ERC2: variants seen among roughly 807,000 people sequenced by gnomAD.
ERC2 encodes the protein ELKS/RAB6-interacting/CAST family member 2.
ERC2 carries 42 observed loss-of-function variants against 114.8 expected under a neutral mutation model. The ratio of observed to expected loss-of-function variants is 0.37; its 90% CI spans 0.29 to 0.47. The LOEUF (loss-of-function observed/expected upper bound fraction) is 0.47, where lower values mean the gene tolerates loss of function less well. Ranked by LOEUF, ERC2 falls within the 20% of genes least tolerant of loss-of-function variation. ERC2 has a pLI of 0.99. For synonymous variants in ERC2, 454 were observed against 425.5 expected, an observed-to-expected ratio of 1.07 and a Z score of -0.82; for missense variants, 939 against 1,150.7, an observed-to-expected ratio of 0.82 and a Z score of 2.66.
chr3:55,626,171 C>T (rs900166462), intron 17 of ERC2, among the ~76,000 whole-genome samples: 2 of 152,186 alleles, frequency 1.3e-5, no homozygotes, highest in African/African-American at 4.8e-5. Context: ...GTTTCTTTAG[C>T]ATGCCTTTTT....
At chr3:55,927,783 C>G (rs764298347) in intron 13 of ERC2, among the ~76,000 whole-genome samples, 7 of 152,008 alleles carry the variant, frequency 4.6e-5, no homozygotes, top group Non-Finnish European at 1.0e-4. Context: ...GGTAACCATC[C>G]TTCTACTCTC....
intron 6 of ERC2, among the ~76,000 whole-genome samples, chr3:56,109,721 T>G (rs1309244814): frequency 6.6e-6 from 1 of 152,156 alleles, no homozygotes; most frequent in South Asian, 2.1e-4. Context: ...AACTGCAGTG[T>G]TGAAATTGCT....
chr3:56,140,333 T>A (rs955522951), intron 5 of ERC2, among the ~76,000 whole-genome samples: 1 of 152,214 alleles, frequency 6.6e-6, no homozygotes, highest in Non-Finnish European at 1.5e-5. Context: ...TGTTTATTAT[T>A]TCTTTGCTTG....
intron 14 of ERC2, among the ~76,000 whole-genome samples, chr3:55,870,825 C>T (rs2062549822): frequency 6.6e-6 from 1 of 152,252 alleles, no homozygotes; most frequent in Non-Finnish European, 1.5e-5. Context: ...AGCCAACTCT[C>T]AACAGAACTG....
intron 14 of ERC2, among the ~76,000 whole-genome samples, chr3:55,884,469 T>C (rs2063272976): frequency 6.6e-6 from 1 of 152,170 alleles, no homozygotes; most frequent in African/African-American, 2.4e-5. Flanking sequence ...TTTTTTCCCT[T>C]AAAATGAACA....
At chr3:55,973,652 A>T (rs2069348975) in intron 12 of ERC2, among the ~76,000 whole-genome samples, 1 of 152,196 alleles carries the variant, frequency 6.6e-6, no homozygotes, top group South Asian at 2.1e-4. Context: ...GCCCATTGCA[A>T]ATCATACTAC....
At position 55,677,969 on chromosome 3, in the gene ERC2, T is replaced by C. The variant is rs544313530; in HGVS notation, c.*39+5825A>G. Among the ~76,000 whole-genome samples the C allele has an allele frequency of 1.1e-4, 16 of 152,296 alleles. No homozygotes were observed. The South Asian group carries it at 3.3e-3, about 32-fold the overall frequency. On this transcript the variant is annotated intron_variant, in intron 17 of 17. Transcript: ENST00000288221. ...ATCCAGTACATCTCCAGTACTAAGA[T>C]GAAGAAATATTTTTTGAATAAATTA...
At chr3:56,377,555 G>C (rs986068087) in intron 2 of ERC2, among the ~76,000 whole-genome samples, 1 of 152,126 alleles carries the variant, frequency 6.6e-6, no homozygotes, top group South Asian at 2.1e-4. Context: ...TCAAATATAA[G>C]TTAAGATATC....
At chr3:55,798,072 A>G (rs1462023580) in intron 14 of ERC2, among the ~76,000 whole-genome samples, 1 of 152,190 alleles carries the variant, frequency 6.6e-6, no homozygotes, top group African/African-American at 2.4e-5. Context: ...ATCAAGCAAT[A>G]TGGAGGACAG....
intron 17 of ERC2, among the ~76,000 whole-genome samples, chr3:55,643,224 C>T (rs536619057): frequency 2.6e-5 from 4 of 152,130 alleles, no homozygotes; most frequent in Non-Finnish European, 5.9e-5. Context: ...TAGAATGCAA[C>T]TTAAAATTTT....
intron 7 of ERC2, among the ~76,000 whole-genome samples, chr3:56,067,672 G>C (rs1189809196): frequency 6.6e-6 from 1 of 152,112 alleles, no homozygotes; most frequent in South Asian, 2.1e-4. Context: ...TATTGGCTGT[G>C]GGTTTATCAT....
intron 16 of ERC2, among the ~76,000 whole-genome samples, chr3:55,695,904 T>A (rs1343447908): frequency 1.3e-5 from 2 of 152,236 alleles, no homozygotes; most frequent in Non-Finnish European, 2.9e-5. Context: ...GCTTTCTTTC[T>A]TATATGACTT....
intron 2 of ERC2, among the ~76,000 whole-genome samples, chr3:56,318,131 AGTT>A (rs2056956398): frequency 6.6e-6 from 1 of 152,190 alleles, no homozygotes; most frequent in Non-Finnish European, 1.5e-5. Context: ...GTACAAAAAT[AGTT>A]GTCTTAATTT....
At chr3:55,592,946 G>A (rs770274302) in intron 17 of ERC2, among the ~76,000 whole-genome samples, 2 of 152,116 alleles carry the variant, frequency 1.3e-5, no homozygotes, top group Non-Finnish European at 2.9e-5. Flanking sequence ...AGGATGACAG[G>A]GTGCTTGAAA....
At chr3:56,443,019 A>T (rs1044386010) in intron 1 of ERC2, among the ~76,000 whole-genome samples, 1 of 152,222 alleles carries the variant, frequency 6.6e-6, no homozygotes, top group Admixed American at 6.5e-5. Flanking sequence ...CCCCAATCAG[A>T]ATTGACCTCT....
chr3:56,118,722 C>T (rs1414313853), intron 6 of ERC2, among the ~76,000 whole-genome samples: 4 of 150,248 alleles, frequency 2.7e-5, no homozygotes, highest in East Asian at 2.0e-4. Context: ...CTGCAAGTTC[C>T]GCCTCCCGGG....
chr3:56,103,727 C>T (rs2078484410), intron 6 of ERC2, among the ~76,000 whole-genome samples: 2 of 150,908 alleles, frequency 1.3e-5, no homozygotes, highest in South Asian at 4.2e-4. Context: ...AATAATTTAA[C>T]AAAAAAACTA....
chr3:56,374,485 A>G (rs888479081), intron 2 of ERC2, among the ~76,000 whole-genome samples: 1 of 152,182 alleles, frequency 6.6e-6, no homozygotes, highest in African/African-American at 2.4e-5. Flanking sequence ...TACTTACTCT[A>G]TGCCAGGCTA....
Position 55,548,795 on chromosome 3 carries a change from G to GAGT in ERC2, c.*40-37522_*40-37520dup, listed in dbSNP as rs528360641. 6.5e-3 allele frequency among the ~76,000 whole-genome samples: 990 copies of GAGT among 152,260 alleles called. 5 individuals are homozygous for GAGT. Among genetic ancestry groups the GAGT allele is most frequent in the Non-Finnish European group, 6.3e-3 (431 of 68,018 alleles). On this transcript the variant is annotated intron_variant, in intron 17 of 17. Transcript: ENST00000288221. ...CATGGGTACCAGGCAGGCTTCTTAG[G>GAGT]AGTAGAAGGCATGGTGGCAGGCAAA...
Sources: gnomAD v4.1 joint callset for allele counts (sites outside exome capture counted in the v4.1 genomes callset) on GRCh38, gnomAD v4.1.1 for gene constraint, MANE v1.5 for transcripts, NCBI Gene and HGNC (gene_info 2026-07-23, HGNC 2026-07-21) for gene names.